Variants in PRKCZ observed in about 807,000 individuals in gnomAD.
PRKCZ encodes the protein protein kinase C zeta type.
Under a neutral mutation model 79.5 loss-of-function variants are expected in PRKCZ, and 33 were observed. The observed-to-expected ratio is 0.41, with a 90% CI of 0.31 to 0.55. The LOEUF is 0.55. PRKCZ is among the 20% of genes least tolerant of loss of function. The pLI is 0.19. For missense variants in PRKCZ, 578 were observed against 813.5 expected (o/e 0.71, Z 3.52); for synonymous variants, 342 against 320.9 (o/e 1.07, Z -0.70).
At chr1:2,050,867 C>G (rs1321261152) in intron 1 of PRKCZ, 166 bp downstream of exon 1, 1 of 418,914 alleles carries the variant, frequency 2.4e-6, no homozygotes. Context: ...TGAGCGTCAC[C>G]CGCGGACACG....
chr1:2,132,372 T>A (rs1026711395), intron 4 of PRKCZ, among the ~76,000 whole-genome samples: 1 of 152,232 alleles, frequency 6.6e-6, no homozygotes, highest in African/African-American at 2.4e-5. Flanking sequence ...TTTCTGAGCT[T>A]TGACGGAGCA....
intron 10 of PRKCZ, among the ~76,000 whole-genome samples, chr1:2,166,117 T>C (rs1422520622): frequency 6.6e-6 from 1 of 152,216 alleles, no homozygotes; most frequent in African/African-American, 2.4e-5. Context: ...CGTTTGTGTA[T>C]TTGATTAAGT....
chr1:2,124,787 G>A (rs559405528), intron 4 of PRKCZ, among the ~76,000 whole-genome samples: 7 of 152,148 alleles, frequency 4.6e-5, no homozygotes, highest in Admixed American at 1.3e-4. Flanking sequence ...AGCAGACGCC[G>A]TGCATGTGCA....
At chr1:2,184,767 GCAGCTGGTGACC>G in intron 17 of PRKCZ, 69 bp downstream of exon 17, 1 of 1,493,996 alleles carries the variant, frequency 6.7e-7, no homozygotes, top group Non-Finnish European at 9.1e-7. Context: ...GGCACCTTGG[GCAGCTGGTGACC>G]CAGCCTGCCC....
chr1:2,071,120 A>C (rs1308290931), intron 4 of PRKCZ, among the ~76,000 whole-genome samples: 2 of 149,872 alleles, frequency 1.3e-5, no homozygotes, highest in Non-Finnish European at 3.0e-5. Context: ...GCCAGGTTCA[A>C]ACCCCACCGG....
chr1:2,160,731 T>C (rs1682086070), intron 10 of PRKCZ, among the ~76,000 whole-genome samples: 1 of 151,726 alleles, frequency 6.6e-6, no homozygotes, highest in African/African-American at 2.4e-5. Flanking sequence ...CCTGTCCCCA[T>C]GTGGGGGAGT....
intron 4 of PRKCZ, among the ~76,000 whole-genome samples, chr1:2,081,936 C>T (rs1428781757): frequency 6.6e-6 from 1 of 152,220 alleles, no homozygotes; most frequent in Non-Finnish European, 1.5e-5. Context: ...CATCGCTGGC[C>T]CCTCTTGCCC....
intron 7 of PRKCZ, among the ~76,000 whole-genome samples, chr1:2,147,403 C>T (rs1678822484): frequency 6.6e-6 from 1 of 151,500 alleles, no homozygotes; most frequent in Non-Finnish European, 1.5e-5. Flanking sequence ...TGTTCACTGA[C>T]CTCTCCTTCC....
chr1:2,106,130 G>A (rs1428897243), intron 4 of PRKCZ, among the ~76,000 whole-genome samples: 1 of 152,240 alleles, frequency 6.6e-6, no homozygotes, highest in Non-Finnish European at 1.5e-5. Flanking sequence ...GCCCCCTGTG[G>A]CTGATGGAGC....
At chr1:2,048,616 A>C (rs1659420119), upstream of PRKCZ, among the ~76,000 whole-genome samples, 1 of 152,106 alleles carries the variant, frequency 6.6e-6, no homozygotes, top group Non-Finnish European at 1.5e-5. Context: ...GATGACCCAG[A>C]AAGATGGAGT....
At chr1:2,078,148 G>A (rs954006988) in intron 4 of PRKCZ, among the ~76,000 whole-genome samples, 5 of 152,190 alleles carry the variant, frequency 3.3e-5, no homozygotes, top group Non-Finnish European at 7.3e-5. Context: ...CCTGTGCCCC[G>A]AGCTGGGAAC....
intron 5 of PRKCZ, chr1:2,142,347 TCCA>T (rs1677529650): frequency 9.4e-6 from 1 of 106,580 alleles, no homozygotes; most frequent in Non-Finnish European, 1.8e-5. Flanking sequence ...CTCCTTTCAA[TCCA>T]GGGTCCACAC....
At chr1:2,085,239 G>A (rs1283451502) in intron 4 of PRKCZ, among the ~76,000 whole-genome samples, 1 of 152,224 alleles carries the variant, frequency 6.6e-6, no homozygotes, top group Non-Finnish European at 1.5e-5. Flanking sequence ...CAACTTTTCC[G>A]AGACACGTTG....
chr1:2,146,990 C>G (rs1180652521), intron 7 of PRKCZ, among the ~76,000 whole-genome samples: 1 of 151,838 alleles, frequency 6.6e-6, no homozygotes. Context: ...TATCCACGAT[C>G]CATCCATCTC....
Position 2,185,133 on chromosome 1 carries a change from G to A in PRKCZ, c.*124G>A. The A allele has an allele frequency of 2.1e-6, 2 of 938,938 alleles. No homozygotes were observed. Among genetic ancestry groups the A allele is most frequent in the Non-Finnish European group, 3.3e-6 (2 of 608,524 alleles). 58.2% of individuals were successfully genotyped at this position (938,938 alleles called of 1,614,324 possible). A position where few individuals can be genotyped will look rare whatever the true frequency, so the allele number is the denominator to read the frequency against. ...GGCCAGGGACAGACGCTTGCGCCGA[G>A]ACCGCAGAGGGAAGCGTCAGCGGGC... On this transcript the variant is annotated 3_prime_UTR_variant, in exon 18 of 18. Transcript: ENST00000378567.
Position 2,161,790 on chromosome 1 carries a change from C to T in PRKCZ, c.974+5698C>T, listed in dbSNP as rs544886295. Among the ~76,000 whole-genome samples the T allele has an allele frequency of 3.0e-4, 45 of 152,220 alleles. No individual in the cohort carries two copies. The South Asian group carries it at 8.9e-3, about 30-fold the overall frequency. ...CAGACCCGAACGTCCCATGCCACTG[C>T]GCCCTGCATGGTTCCCAGGATGAGC... is the stretch of plus-strand genomic sequence containing the variant. On this transcript the variant is annotated intron_variant, in intron 10 of 17. Coordinates refer to ENST00000378567, the MANE Select transcript of PRKCZ (RefSeq NM_002744.6).
At position 2,180,588 on chromosome 1, in the gene PRKCZ, C is replaced by T. The variant is rs531935860; in HGVS notation, c.1576-3995C>T. Among the ~76,000 whole-genome samples, 225 of 152,156 alleles carry T rather than the reference C, an allele frequency of 1.5e-3. 1 individual carries two copies. Among genetic ancestry groups the T allele is most frequent in the African/African-American group, 5.2e-3 (217 of 41,500 alleles). ...TGGACGCACAGATGACCTGGACGCA[C>T]GGACGACGTGGACGCACGGATGACT... On this transcript the variant is annotated intron_variant, in intron 16 of 17. Coordinates refer to ENST00000378567, the MANE Select transcript of PRKCZ (RefSeq NM_002744.6).
rs140894915 is a variant in PRKCZ, at chr1:2,178,347, A to G, written c.1575+3034A>G. Among the ~76,000 whole-genome samples, 92 of 152,142 alleles carry G rather than the reference A, an allele frequency of 6.0e-4. No homozygotes were observed. Among genetic ancestry groups the G allele is most frequent in the African/African-American group, 2.0e-3 (85 of 41,488 alleles). On this transcript the variant is annotated intron_variant, in intron 16 of 17. Transcript: ENST00000378567. This position sits in a 1 kb window ranked among gnomAD's most constrained non-coding sequence, Gnocchi z 4.3. ...CATTGTCTCCACAAGCTGCACCCAC[A>G]CAGTAGCACGTGGCACTGCCTCCTT... is the stretch of plus-strand genomic sequence containing the variant.
rs1675964740 is a variant in PRKCZ at position 2,135,346 on chromosome 1, G to C, written c.419G>C (p.Arg140Thr). 3.1e-6 allele frequency: 5 copies of C among 1,610,294 alleles called. No homozygotes were observed. In the East Asian group the frequency reaches 1.1e-4, roughly 36 times the overall value. Reference protein sequence around the residue: ...GHLFQAKRFNRRAYCGQCSER... With the variant: ...GHLFQAKRFNTRAYCGQCSER... ...CTCTTCCAAGCCAAGCGCTTTAACAGGGTGAGTGGCCCCCTTGGGACTAGT... is the reference window on the plus strand; with the variant it reads ...CTCTTCCAAGCCAAGCGCTTTAACACGGTGAGTGGCCCCCTTGGGACTAGT... The change falls in exon 5 of 18, where the codon AGG (arginine) becomes ACG (threonine). Residue 140 changes from arginine to threonine, a missense_variant and splice_region_variant. Physicochemically the swap from Arg to Thr is moderately conservative, Grantham distance 71. This residue lies in a region of PRKCZ where 228 missense variants were observed against 211.6 expected (regional missense o/e 1.08). Transcript: ENST00000378567.
Sources: allele counts gnomAD v4.1 joint callset (sites outside exome capture counted in the v4.1 genomes callset), GRCh38; gene constraint gnomAD v4.1.1; regional missense constraint gnomAD v4.1.1; non-coding constraint Gnocchi (gnomAD v3.1); transcripts MANE v1.5; gene names NCBI Gene and HGNC (gene_info 2026-07-23, HGNC 2026-07-21).